The following EFCAB5 variants were observed in gnomAD, a reference collection of about 807,000 sequenced individuals.
The protein encoded by EFCAB5 is EF-hand calcium binding domain 5.
In EFCAB5, 131 loss-of-function variants were observed where a neutral mutation model predicts 167.9. The observed-to-expected ratio is 0.78, with a 90% CI of 0.68 to 0.90. The LOEUF (loss-of-function observed/expected upper bound fraction) is 0.90. EFCAB5 is among the 40% of genes least tolerant of loss of function. The probability of loss-of-function intolerance (pLI) is 0.00; values close to 1 mark genes in which losing one functional copy is unlikely to be tolerated. For synonymous variants in EFCAB5, 574 were observed against 602.8 expected (o/e 0.95, Z 0.70); for missense variants, 1,663 against 1,745.2 (o/e 0.95, Z 0.84).
At chr17:29,982,808 T>A (rs1486817705) in intron 4 of EFCAB5, among the ~76,000 whole-genome samples, 1 of 152,222 alleles carries the variant, frequency 6.6e-6, no homozygotes, top group Admixed American at 6.5e-5. Context: ...ACTTTTGATA[T>A]AATCTAGGCA....
In EFCAB5 at chr17:30,069,036, T is replaced by G. The variant is rs1243027124; in HGVS notation, c.2738-9179T>G. The G allele has an allele frequency of 3.6e-6, 5 of 1,404,902 alleles. No individual in the cohort carries two copies. The African/African-American group carries it at 5.6e-5, about 16-fold the overall frequency. 87.0% of individuals were successfully genotyped at this position (1,404,902 alleles called of 1,614,324 possible). A position where few individuals can be genotyped will look rare whatever the true frequency, so the allele number is the denominator to read the frequency against. On this transcript the variant is annotated intron_variant, in intron 14 of 22. Coordinates refer to ENST00000394835, the MANE Select transcript of EFCAB5 (RefSeq NM_198529.4). ...AGGAGCACAGGACTGCTGTTCTGGA[T>G]TTCATTGAAGATTACTTAAAAAAAG...
At chr17:30,010,839 G>A (rs1436964240) in intron 7 of EFCAB5, among the ~76,000 whole-genome samples, 2 of 152,154 alleles carry the variant, frequency 1.3e-5, no homozygotes, top group Admixed American at 6.5e-5. Context: ...TTTGGCTTTT[G>A]TTGCCATTGC....
At chr17:30,037,110 AC>A (rs1367773624) in intron 8 of EFCAB5, among the ~76,000 whole-genome samples, 5 of 152,312 alleles carry the variant, frequency 3.3e-5, no homozygotes, top group Admixed American at 3.3e-4. Context: ...CTCAGAGACT[AC>A]AAGCTTCATA....
chr17:29,985,379 T>G (rs1245798286), intron 4 of EFCAB5, among the ~76,000 whole-genome samples: 1 of 152,170 alleles, frequency 6.6e-6, no homozygotes, highest in Non-Finnish European at 1.5e-5. Flanking sequence ...TCTTCTAGGC[T>G]TCCACCCTAG....
chr17:30,055,470 T>A (rs950584021), intron 10 of EFCAB5, among the ~76,000 whole-genome samples: 6 of 152,196 alleles, frequency 3.9e-5, no homozygotes, highest in Non-Finnish European at 8.8e-5. Context: ...TTTTACTTAT[T>A]AAATTGTGAA....
At position 30,053,857 on chromosome 17, in the gene EFCAB5, G is replaced by T; in HGVS notation, c.1903G>T (p.Glu635Ter). 1 of 1,614,016 alleles carries T rather than the reference G, an allele frequency of 6.2e-7. No individual in the cohort carries two copies. Among genetic ancestry groups the T allele is most frequent in the Non-Finnish European group, 8.5e-7 (1 of 1,179,898 alleles). ...EQGSRRMSAA[E>*]QGSLRESVIE... is the part of the protein sequence containing the mutation. ...AGGATCACGCAGAATGTCAGCTGCAGAACAGGGATCACTCAGAGAGTCAGT... is the reference window on the plus strand; with the variant it reads ...AGGATCACGCAGAATGTCAGCTGCATAACAGGGATCACTCAGAGAGTCAGT... The change falls in exon 10 of 23, where the codon GAA becomes TAA. Residue 635 changes from glutamate to a stop codon, truncating the protein, a stop_gained. Transcript: ENST00000394835. LOFTEE classifies it high-confidence loss of function.
rs893297199 is a variant in EFCAB5, at chr17:29,981,592, C to T, written c.768-11573C>T. Among the ~76,000 whole-genome samples the T allele has an allele frequency of 2.0e-5, 3 of 152,188 alleles. No individual in the cohort carries two copies. The South Asian group carries it at 6.2e-4, about 31-fold the overall frequency. On this transcript the variant is annotated intron_variant, in intron 4 of 22. Transcript: ENST00000394835. ...AAGCAGGAACTATGTCTGTCATAGT[C>T]ACCACTGAATCCTCAGCATCTAACA...
At chr17:29,942,412 T>A in intron 2 of EFCAB5, 110 bp downstream of exon 2, 2 of 1,066,090 alleles carry the variant, frequency 1.9e-6, no homozygotes, top group Non-Finnish European at 2.6e-6. Context: ...TAACTAAAAT[T>A]GCAAAAGGAA....
intron 22 of EFCAB5, among the ~76,000 whole-genome samples, chr17:30,103,621 T>C (rs901648807): frequency 4.6e-5 from 7 of 152,248 alleles, no homozygotes; most frequent in African/African-American, 1.2e-4. Context: ...GGCAGTACAC[T>C]ACAGTGCCTT....
intron 19 of EFCAB5, among the ~76,000 whole-genome samples, chr17:30,090,119 C>T (rs2071165421): frequency 6.6e-6 from 1 of 152,180 alleles, no homozygotes; most frequent in Admixed American, 6.5e-5. Context: ...AAAATGAACA[C>T]CTTCAGATAA....
At chr17:30,069,719 C>A (rs1290645066) in intron 14 of EFCAB5, 3 of 1,015,424 alleles carry the variant, frequency 3.0e-6, no homozygotes, top group African/African-American at 1.6e-5. Context: ...GTCTCATGTA[C>A]CCCCGGTGCT....
At chr17:30,071,115 C>A (rs2070726061) in intron 14 of EFCAB5, among the ~76,000 whole-genome samples, 1 of 150,664 alleles carries the variant, frequency 6.6e-6, no homozygotes, top group Non-Finnish European at 1.5e-5. Context: ...GCACAGGCAA[C>A]AAAAGCAAAA....
intron 5 of EFCAB5, among the ~76,000 whole-genome samples, chr17:29,994,124 AC>A (rs1338235412): frequency 9.1e-6 from 1 of 109,874 alleles, no homozygotes; most frequent in Non-Finnish European, 1.8e-5. Flanking sequence ...AACAACAACA[AC>A]AACAACAAAT....
At chr17:29,976,817 C>T (rs567424124) in intron 4 of EFCAB5, among the ~76,000 whole-genome samples, 3 of 152,188 alleles carry the variant, frequency 2.0e-5, no homozygotes, top group Non-Finnish European at 4.4e-5. Flanking sequence ...CTACTTTCTA[C>T]GACAAAAGGG....
chr17:29,986,352 G>C (rs901019676), intron 4 of EFCAB5, among the ~76,000 whole-genome samples: 3 of 152,104 alleles, frequency 2.0e-5, no homozygotes, highest in African/African-American at 2.4e-5. Context: ...CAGATAATAG[G>C]AACTCTTGCC....
At chr17:30,049,367 C>T (rs929091032) in intron 8 of EFCAB5, among the ~76,000 whole-genome samples, 3 of 152,128 alleles carry the variant, frequency 2.0e-5, no homozygotes, top group African/African-American at 7.2e-5. Flanking sequence ...GTAGTCCCAG[C>T]TACTCCGGAG....
At chr17:30,067,143 C>A (rs539785947) in intron 14 of EFCAB5, among the ~76,000 whole-genome samples, 1 of 152,284 alleles carries the variant, frequency 6.6e-6, no homozygotes, top group East Asian at 1.9e-4. Context: ...GGAGGGAATT[C>A]TTCCAAACTC....
chr17:30,001,426 A>G (rs1011280744), intron 7 of EFCAB5, among the ~76,000 whole-genome samples: 1 of 152,176 alleles, frequency 6.6e-6, no homozygotes, highest in Admixed American at 6.5e-5. Context: ...GTACTTGCCT[A>G]TTTGTCTTAT....
At chr17:30,017,164 G>A (rs528201391) in intron 7 of EFCAB5, among the ~76,000 whole-genome samples, 26 of 151,660 alleles carry the variant, frequency 1.7e-4, no homozygotes, top group African/African-American at 5.1e-4. Context: ...GTGACAGAGC[G>A]AGAACGTGTC....
Sources: gnomAD v4.1 joint callset for allele counts (sites outside exome capture counted in the v4.1 genomes callset) on GRCh38, gnomAD v4.1.1 for gene constraint, MANE v1.5 for transcripts, NCBI Gene and HGNC (gene_info 2026-07-23, HGNC 2026-07-21) for gene names.